C1orf185: variants seen among roughly 807,000 people sequenced by gnomAD.
C1orf185 encodes uncharacterized protein C1orf185.
In C1orf185, 13 loss-of-function variants were observed where a neutral mutation model predicts 16.1. The observed-to-expected ratio is 0.81, with a 90% CI of 0.53 to 1.28. The LOEUF (loss-of-function observed/expected upper bound fraction) is 1.28. C1orf185 is among the 50% of genes most tolerant of loss of function. The probability of loss-of-function intolerance (pLI) is 0.00; values close to 1 mark genes in which losing one functional copy is unlikely to be tolerated. For missense variants in C1orf185, 220 were observed against 225.2 expected (o/e 0.98, Z 0.15); for synonymous variants, 80 against 76.9 (o/e 1.04, Z -0.21).
chr1:51,103,352 G>A (rs756533499), intron 1 of C1orf185, among the ~76,000 whole-genome samples: 11 of 150,182 alleles, frequency 7.3e-5, no homozygotes, highest in Non-Finnish European at 1.6e-4. Flanking sequence ...ACTACAATGA[G>A]CTATGATCAT....
intron 3 of C1orf185, among the ~76,000 whole-genome samples, chr1:51,131,397 A>C (rs1402683548): frequency 6.6e-6 from 1 of 152,146 alleles, no homozygotes; most frequent in Non-Finnish European, 1.5e-5. Context: ...CATTTTAGTC[A>C]GTGGTAAGAG....
downstream of C1orf185, among the ~76,000 whole-genome samples, chr1:51,151,623 G>T (rs1646429798): frequency 6.6e-6 from 1 of 152,092 alleles, no homozygotes; most frequent in African/African-American, 2.4e-5. Flanking sequence ...GTACAACCTA[G>T]TTCCGTGATT....
At chr1:51,111,374 CT>C (rs11414730) in intron 1 of C1orf185, among the ~76,000 whole-genome samples, 3 of 133,982 alleles carry the variant, frequency 2.2e-5, no homozygotes, top group African/African-American at 9.5e-5. Context: ...TTCTTTCTTT[CT>C]TTTTTTTTTT....
At chr1:51,122,097 C>A (rs1175446164) in intron 3 of C1orf185, among the ~76,000 whole-genome samples, 1 of 152,072 alleles carries the variant, frequency 6.6e-6, no homozygotes, top group African/African-American at 2.4e-5. Flanking sequence ...ATGTATGTAG[C>A]CATAGTTCAT....
At chr1:51,133,068 A>G (rs572070511) in intron 3 of C1orf185, among the ~76,000 whole-genome samples, 4 of 152,324 alleles carry the variant, frequency 2.6e-5, no homozygotes, top group African/African-American at 9.6e-5. Context: ...GAAGCACTAA[A>G]TATGGAAAGG....
chr1:51,111,821 C>T (rs546967985), intron 1 of C1orf185, among the ~76,000 whole-genome samples: 1 of 152,212 alleles, frequency 6.6e-6, no homozygotes, highest in East Asian at 1.9e-4. Context: ...CGCCCTGCCC[C>T]TGGTTAATTG....
intron 1 of C1orf185, among the ~76,000 whole-genome samples, chr1:51,105,257 G>A (rs982518712): frequency 6.6e-6 from 1 of 151,558 alleles, no homozygotes; most frequent in Non-Finnish European, 1.5e-5. Flanking sequence ...GTGAGCCAAC[G>A]CTCCCCACCT....
chr1:51,143,803 C>T (rs1646382027), intron 3 of C1orf185, among the ~76,000 whole-genome samples: 1 of 152,220 alleles, frequency 6.6e-6, no homozygotes, highest in Admixed American at 6.5e-5. Flanking sequence ...GCTGGCTCTA[C>T]AGGCATGCGC....
At chr1:51,123,946 TACAC>T (rs369268032) in intron 3 of C1orf185, among the ~76,000 whole-genome samples, 20 of 149,290 alleles carry the variant, frequency 1.3e-4, no homozygotes, top group African/African-American at 3.2e-4. Context: ...TGTATATATA[TACAC>T]ACACACACAC....
chr1:51,151,077 T>A (rs1287119098), downstream of C1orf185, among the ~76,000 whole-genome samples: 1 of 152,212 alleles, frequency 6.6e-6, no homozygotes, highest in Non-Finnish European at 1.5e-5. Flanking sequence ...GACATTGACA[T>A]AGGGTATTAA....
At chr1:51,105,670 TATTA>T (rs1261236493) in intron 1 of C1orf185, among the ~76,000 whole-genome samples, 4 of 152,316 alleles carry the variant, frequency 2.6e-5, no homozygotes, top group African/African-American at 9.6e-5. Context: ...TAATGATTAT[TATTA>T]AAGACAAAGA....
At position 51,147,820 on chromosome 1, in the gene C1orf185, A is replaced by G. The variant is rs1646411418; in HGVS notation, c.*49A>G. ...AGGGAAAATGTTCATGAAGAAACACAGAGGTTGAAATATAAAACCTTCAAC... is the reference window on the plus strand; with the variant it reads ...AGGGAAAATGTTCATGAAGAAACACGGAGGTTGAAATATAAAACCTTCAAC... On this transcript the variant is annotated 3_prime_UTR_variant, in exon 5 of 5. Coordinates refer to ENST00000371759, the MANE Select transcript of C1orf185 (RefSeq NM_001136508.2). 2 of 1,398,456 alleles carry G rather than the reference A, an allele frequency of 1.4e-6. No homozygotes were observed. The highest frequency in any genetic ancestry group is 1.9e-6 in the Non-Finnish European group (2 of 1,056,656). The allele number at this position is 1,398,456 out of a possible 1,614,324, so 86.6% of individuals were successfully genotyped here. A position where few individuals can be genotyped will look rare whatever the true frequency, so the allele number is the denominator to read the frequency against.
chr1:51,124,019 G>A (rs1646218514), intron 3 of C1orf185, among the ~76,000 whole-genome samples: 1 of 148,312 alleles, frequency 6.7e-6, no homozygotes, highest in African/African-American at 2.5e-5. Context: ...TATCAGATAT[G>A]TACTTTGCAA....
At chr1:51,150,253 G>A (rs1010522327), downstream of C1orf185, among the ~76,000 whole-genome samples, 1 of 150,308 alleles carries the variant, frequency 6.7e-6, no homozygotes, top group African/African-American at 2.5e-5. Context: ...GTGCAATGGT[G>A]TGATCTCAGC....
At chr1:51,144,219 C>A (rs924672626) in intron 3 of C1orf185, among the ~76,000 whole-genome samples, 2 of 152,172 alleles carry the variant, frequency 1.3e-5, no homozygotes, top group African/African-American at 2.4e-5. Context: ...TCTTATACCC[C>A]ATTCCAGACC....
intron 4 of C1orf185, among the ~76,000 whole-genome samples, chr1:51,146,396 T>A (rs1570325009): frequency 6.6e-6 from 1 of 151,058 alleles, no homozygotes; most frequent in Non-Finnish European, 1.5e-5. Context: ...GAGGCGGAGG[T>A]TGCAGTGAGT....
At chr1:51,132,430 T>A (rs776378198) in intron 3 of C1orf185, among the ~76,000 whole-genome samples, 2 of 152,072 alleles carry the variant, frequency 1.3e-5, no homozygotes, top group African/African-American at 2.4e-5. Flanking sequence ...ACACACTACA[T>A]GAATTTCATA....
At chr1:51,112,131 A>AG (rs1327940353) in intron 1 of C1orf185, among the ~76,000 whole-genome samples, 2 of 151,404 alleles carry the variant, frequency 1.3e-5, no homozygotes, top group African/African-American at 4.9e-5. Context: ...ATGATACGGG[A>AG]GGGGAAAAAA....
intron 3 of C1orf185, among the ~76,000 whole-genome samples, chr1:51,136,806 T>C (rs1646328636): frequency 6.6e-6 from 1 of 152,108 alleles, no homozygotes; most frequent in South Asian, 2.1e-4. Context: ...ATAAAAACCC[T>C]GGAAGACCAC....
Sources: allele counts gnomAD v4.1 joint callset (sites outside exome capture counted in the v4.1 genomes callset), GRCh38; gene constraint gnomAD v4.1.1; transcripts MANE v1.5; gene names NCBI Gene and HGNC (gene_info 2026-07-23, HGNC 2026-07-21).